Variants in RERE observed in about 807,000 individuals in gnomAD.
RERE encodes the protein arginine-glutamic acid dipeptide repeats protein.
A neutral mutation model predicts 146.1 loss-of-function variants in RERE; 40 were observed. The ratio of observed to expected loss-of-function variants is 0.27; its 90% CI spans 0.21 to 0.36. The LOEUF (loss-of-function observed/expected upper bound fraction) is 0.36. RERE is among the 10% of genes least tolerant of loss of function. The probability of loss-of-function intolerance (pLI) is 1.00; values close to 1 mark genes in which losing one functional copy is unlikely to be tolerated. For missense variants in RERE, 1,933 were observed against 2,138.7 expected (o/e 0.90, Z 1.90); for synonymous variants, 1,003 against 866.0 (o/e 1.16, Z -2.78).
At chr1:8,666,842 A>G (rs1249127960) in intron 1 of RERE, among the ~76,000 whole-genome samples, 3 of 152,332 alleles carry the variant, frequency 2.0e-5, no homozygotes, top group Non-Finnish European at 2.9e-5. Context: ...AACCAACCAC[A>G]TAAGCAAAGA....
chr1:8,509,084 T>G (rs927903821), intron 7 of RERE, among the ~76,000 whole-genome samples: 5 of 152,142 alleles, frequency 3.3e-5, no homozygotes, highest in Admixed American at 2.0e-4. Context: ...CCGGCTAATT[T>G]TTGTAATTTT....
chr1:8,474,151 AAAT>A (rs939222464), intron 10 of RERE, among the ~76,000 whole-genome samples: 19 of 152,248 alleles, frequency 1.2e-4, no homozygotes, highest in African/African-American at 4.1e-4. Context: ...TCGAAAGAAT[AAAT>A]AATACTTAAT....
At chr1:8,558,163 G>A (rs1476694095) in intron 4 of RERE, among the ~76,000 whole-genome samples, 1 of 152,168 alleles carries the variant, frequency 6.6e-6, no homozygotes, top group Non-Finnish European at 1.5e-5. Context: ...AGAACATCTT[G>A]TATAAAATTA....
At chr1:8,810,339 C>T (rs1457922546) in intron 1 of RERE, among the ~76,000 whole-genome samples, 3 of 151,320 alleles carry the variant, frequency 2.0e-5, no homozygotes, top group African/African-American at 7.3e-5. Context: ...GACATAGTGG[C>T]TCATGCCTGT....
intron 8 of RERE, among the ~76,000 whole-genome samples, chr1:8,501,449 C>T (rs1461628596): frequency 1.4e-5 from 1 of 73,230 alleles, no homozygotes; most frequent in East Asian, 5.1e-4. Context: ...CCCGGCCGCC[C>T]CTACTGGGAA....
intron 1 of RERE, among the ~76,000 whole-genome samples, chr1:8,730,314 T>C (rs1640054094): frequency 6.6e-6 from 1 of 152,152 alleles, no homozygotes; most frequent in South Asian, 2.1e-4. Context: ...GAAAAGTAAT[T>C]TCCCCCATTT....
chr1:8,400,331 A>G (rs1557611114), intron 12 of RERE, among the ~76,000 whole-genome samples: 1 of 151,832 alleles, frequency 6.6e-6, no homozygotes, highest in Non-Finnish European at 1.5e-5. Context: ...ATAGCTCACT[A>G]TAACTTGAAC....
At chr1:8,645,811 G>T (rs1289310573) in intron 2 of RERE, among the ~76,000 whole-genome samples, 1 of 152,070 alleles carries the variant, frequency 6.6e-6, no homozygotes, top group East Asian at 1.9e-4. Flanking sequence ...CTATCCTCAC[G>T]AAGTAATAAG....
intron 1 of RERE, among the ~76,000 whole-genome samples, chr1:8,656,694 T>A (rs1638322682): frequency 6.6e-6 from 1 of 152,210 alleles, no homozygotes; most frequent in South Asian, 2.1e-4. Flanking sequence ...CCACCTTACA[T>A]GTTTTCTCCT....
At chr1:8,373,997 T>G (rs1473754413) in intron 12 of RERE, among the ~76,000 whole-genome samples, 1 of 152,244 alleles carries the variant, frequency 6.6e-6, no homozygotes, top group Non-Finnish European at 1.5e-5. Context: ...CAGCGGGCTC[T>G]GCTGCTAATC....
In RERE at chr1:8,355,081, A is replaced by C. The variant is rs1236104749; in HGVS notation, c.*6T>G. On this transcript the variant is annotated 3_prime_UTR_variant, in exon 23 of 23. Coordinates refer to ENST00000400908, the MANE Select transcript of RERE (RefSeq NM_001042681.2). ...TTTCCACAGCCAGCGTTAACAAATA[A>C]ATAACTTATAACTGCTTGTCACCTT... The C allele has an allele frequency of 6.2e-7, 1 of 1,613,392 alleles. No individual in the cohort carries two copies. Among genetic ancestry groups the C allele is most frequent in the Admixed American group, 1.7e-5 (1 of 60,010 alleles).
intron 7 of RERE, among the ~76,000 whole-genome samples, chr1:8,535,983 G>A (rs771329712): frequency 2.0e-5 from 3 of 151,896 alleles, no homozygotes; most frequent in Non-Finnish European, 4.4e-5. Flanking sequence ...GCGGGTGCCT[G>A]TAGTCCCAGC....
chr1:8,814,308 T>C (rs570959997), intron 1 of RERE, among the ~76,000 whole-genome samples: 1 of 152,318 alleles, frequency 6.6e-6, no homozygotes, highest in East Asian at 1.9e-4. Flanking sequence ...ACAACTGAGA[T>C]GGGCCAGGAT....
At chr1:8,669,186 C>T (rs541074661) in intron 1 of RERE, among the ~76,000 whole-genome samples, 2 of 151,432 alleles carry the variant, frequency 1.3e-5, no homozygotes, top group African/African-American at 4.9e-5. Context: ...AATACCCCCC[C>T]CAACTCGGCC....
At chr1:8,808,510 T>C (rs527908575) in intron 1 of RERE, among the ~76,000 whole-genome samples, 60 of 152,334 alleles carry the variant, frequency 3.9e-4, no homozygotes, top group Non-Finnish European at 7.1e-4. Context: ...TTAAATACTT[T>C]ATATGAATTA....
Position 8,359,445 on chromosome 1 carries a change from G to A in RERE, c.3618+319C>T, listed in dbSNP as rs201677210. On this transcript the variant is annotated intron_variant, in intron 19 of 22. Transcript: ENST00000400908. The stretch of plus-strand genomic sequence containing the variant: ...AAGGCGCCCCCTTGTGCTTCTCCCC[G>A]ACTCCTTCAAATTACTTAGAAGTTA... 3.1e-4 allele frequency among the ~76,000 whole-genome samples: 47 copies of A among 152,302 alleles called. No homozygotes were observed. In the East Asian group the frequency reaches 4.8e-3, roughly 16 times the overall value.
intron 1 of RERE, among the ~76,000 whole-genome samples, chr1:8,751,344 C>T (rs1237266192): frequency 2.6e-5 from 4 of 152,202 alleles, no homozygotes; most frequent in Admixed American, 2.0e-4. Context: ...CTCCTTACTA[C>T]ACTCTATGAG....
chr1:8,679,540 T>C (rs1305713506), intron 1 of RERE, among the ~76,000 whole-genome samples: 1 of 152,182 alleles, frequency 6.6e-6, no homozygotes, highest in African/African-American at 2.4e-5. Context: ...ACCATCACTC[T>C]GAAATCAGGG....
intron 1 of RERE, among the ~76,000 whole-genome samples, chr1:8,679,752 G>A (rs1324609446): frequency 1.3e-5 from 2 of 152,342 alleles, no homozygotes; most frequent in Admixed American, 6.5e-5. Flanking sequence ...ACAGGATGAT[G>A]GCAGAGTTCT....
Sources: allele counts gnomAD v4.1 joint callset (sites outside exome capture counted in the v4.1 genomes callset), GRCh38; gene constraint gnomAD v4.1.1; transcripts MANE v1.5; gene names NCBI Gene and HGNC (gene_info 2026-07-23, HGNC 2026-07-21).